The following TRAPPC9 variants were observed in gnomAD, a reference collection of about 807,000 sequenced individuals.
TRAPPC9 encodes IKK2 binding protein.
In TRAPPC9, 83 loss-of-function variants were observed where a neutral mutation model predicts 124.0. The observed-to-expected ratio is 0.67, with a 90% CI of 0.56 to 0.80. TRAPPC9 has a LOEUF of 0.80. Among genes scored for constraint, TRAPPC9 ranks in the 30% least tolerant of loss-of-function variants. The pLI is 0.00. For missense variants in TRAPPC9, 1,302 were observed against 1,508.3 expected (o/e 0.86, Z 2.27); for synonymous variants, 638 against 617.5 (o/e 1.03, Z -0.49).
chr8:140,378,825 C>G (rs1481291993), intron 7 of TRAPPC9, among the ~76,000 whole-genome samples: 1 of 152,196 alleles, frequency 6.6e-6, no homozygotes, highest in Non-Finnish European at 1.5e-5. Context: ...GTTACCACAG[C>G]TAGGCAGGGC....
intron 17 of TRAPPC9, among the ~76,000 whole-genome samples, chr8:140,039,057 TC>T (rs776691316): frequency 2.0e-5 from 3 of 152,206 alleles, no homozygotes; most frequent in Admixed American, 6.5e-5. Context: ...CAAGATCCCA[TC>T]CGGTGTTAAA....
At chr8:140,012,655 C>T (rs572197753) in intron 18 of TRAPPC9, among the ~76,000 whole-genome samples, 2 of 152,192 alleles carry the variant, frequency 1.3e-5, no homozygotes, top group African/African-American at 4.8e-5. Context: ...CTGGTCAGGC[C>T]GAGGCCCCCC....
chr8:139,769,895 T>C (rs1393845226), intron 21 of TRAPPC9, among the ~76,000 whole-genome samples: 1 of 152,244 alleles, frequency 6.6e-6, no homozygotes. Context: ...ATCTGGTGCC[T>C]GCCGGGTGCT....
intron 9 of TRAPPC9, among the ~76,000 whole-genome samples, chr8:140,343,574 A>G (rs2067255626): frequency 6.6e-6 from 1 of 152,170 alleles, no homozygotes; most frequent in Non-Finnish European, 1.5e-5. Context: ...CAGTCAAACG[A>G]TAAGTGAGGA....
At chr8:140,114,576 A>T (rs759118225) in intron 17 of TRAPPC9, among the ~76,000 whole-genome samples, 2 of 152,208 alleles carry the variant, frequency 1.3e-5, no homozygotes, top group Non-Finnish European at 2.9e-5. Context: ...GGAAGGTATC[A>T]TAATAGGACC....
intron 9 of TRAPPC9, among the ~76,000 whole-genome samples, chr8:140,324,397 G>A (rs1051803256): frequency 1.3e-5 from 2 of 152,178 alleles, no homozygotes; most frequent in African/African-American, 4.8e-5. Context: ...TACAATACAT[G>A]AAGTAAAACC....
intron 17 of TRAPPC9, among the ~76,000 whole-genome samples, chr8:140,033,684 T>TTG (rs1840684424): frequency 1.7e-5 from 2 of 118,498 alleles, no homozygotes; most frequent in Admixed American, 8.3e-5. Context: ...TTTTTTTTTT[T>TTG]TTTTTTTTTT....
chr8:140,115,003 T>C (rs529233921), intron 17 of TRAPPC9, among the ~76,000 whole-genome samples: 1 of 152,302 alleles, frequency 6.6e-6, no homozygotes, highest in South Asian at 2.1e-4. Context: ...ACTTCCTGAC[T>C]GAAGGAAGCC....
In TRAPPC9 at chr8:140,063,199, T is replaced by C. The variant is rs893343443; in HGVS notation, c.2557-39120A>G. ...TCCACCTGGTCTCTCCCTTGATACATGGGGCTTATGGAGATTATAATTTAC... is the reference window on the plus strand; with the variant it reads ...TCCACCTGGTCTCTCCCTTGATACACGGGGCTTATGGAGATTATAATTTAC... On this transcript the variant is annotated intron_variant, in intron 17 of 22. Coordinates refer to ENST00000438773, the MANE Select transcript of TRAPPC9 (RefSeq NM_001160372.4). The surrounding 1 kb of genome is among the most constrained non-coding windows in gnomAD (Gnocchi z 4.3). Among the ~76,000 whole-genome samples the C allele has an allele frequency of 1.3e-4, 20 of 152,138 alleles. No homozygotes were observed. Among genetic ancestry groups the C allele is most frequent in the African/African-American group, 4.8e-4 (20 of 41,412 alleles).
intron 21 of TRAPPC9, among the ~76,000 whole-genome samples, chr8:139,880,305 T>C: frequency 6.6e-6 from 1 of 152,262 alleles, no homozygotes; most frequent in African/African-American, 2.4e-5. Flanking sequence ...AGTGGCAGAA[T>C]GCAGTAGGAG....
chr8:139,969,793 G>C (rs2131602629), intron 19 of TRAPPC9, among the ~76,000 whole-genome samples: 1 of 152,310 alleles, frequency 6.6e-6, no homozygotes, highest in South Asian at 2.1e-4. Flanking sequence ...TCTATCTTGG[G>C]GAGTTTCCAG....
intron 17 of TRAPPC9, among the ~76,000 whole-genome samples, chr8:140,207,645 G>A (rs552318340): frequency 7.2e-5 from 11 of 152,302 alleles, no homozygotes; most frequent in Middle Eastern, 3.4e-3. Flanking sequence ...GAGTCCCTGC[G>A]GACCCTGCGG....
intron 21 of TRAPPC9, among the ~76,000 whole-genome samples, chr8:139,789,281 C>T (rs780531666): frequency 6.6e-6 from 1 of 152,150 alleles, no homozygotes; most frequent in Non-Finnish European, 1.5e-5. Context: ...TTGAGGGGAG[C>T]TGCGTGGTTG....
chr8:140,090,315 C>T (rs1332842505), intron 17 of TRAPPC9, among the ~76,000 whole-genome samples: 1 of 152,114 alleles, frequency 6.6e-6, no homozygotes, highest in Non-Finnish European at 1.5e-5. Flanking sequence ...ACACTGCCTC[C>T]CGCCCCATGA....
chr8:139,833,209 C>A (rs544688220), intron 21 of TRAPPC9, among the ~76,000 whole-genome samples: 24 of 152,318 alleles, frequency 1.6e-4, no homozygotes, highest in Non-Finnish European at 1.3e-4. Context: ...CCCAGTCTGA[C>A]AAAACACCCT....
At chr8:139,999,334 C>T (rs1290868462) in intron 18 of TRAPPC9, among the ~76,000 whole-genome samples, 1 of 151,428 alleles carries the variant, frequency 6.6e-6, no homozygotes, top group East Asian at 1.9e-4. Flanking sequence ...ACATCAGACA[C>T]CTAAAGAGGG....
At chr8:139,872,069 T>A (rs915472520) in intron 21 of TRAPPC9, among the ~76,000 whole-genome samples, 14 of 151,166 alleles carry the variant, frequency 9.3e-5, no homozygotes, top group African/African-American at 3.4e-4. Flanking sequence ...GGCTGGTAGA[T>A]GGGTTGGTGG....
intron 17 of TRAPPC9, among the ~76,000 whole-genome samples, chr8:140,157,368 G>A (rs36179240): frequency 0.12 from 3,456 of 28,902 alleles, 740 homozygotes; most frequent in African/African-American, 0.36. Context: ...TTTCCATTCA[G>A]AAGCCTCCCT....
intron 9 of TRAPPC9, among the ~76,000 whole-genome samples, chr8:140,342,317 T>C (rs1383830330): frequency 6.6e-6 from 1 of 152,236 alleles, no homozygotes; most frequent in Non-Finnish European, 1.5e-5. Flanking sequence ...TATTTTCCTA[T>C]AACTAGTATA....
Sources: allele counts gnomAD v4.1 joint callset (sites outside exome capture counted in the v4.1 genomes callset), GRCh38; gene constraint gnomAD v4.1.1; non-coding constraint Gnocchi (gnomAD v3.1); transcripts MANE v1.5; gene names NCBI Gene and HGNC (gene_info 2026-07-23, HGNC 2026-07-21).